The following CDH18 variants were observed in gnomAD, a reference collection of about 807,000 sequenced individuals.
CDH18 encodes cadherin 18.
A neutral mutation model predicts 67.9 loss-of-function variants in CDH18; 31 were observed. The ratio of observed to expected loss-of-function variants is 0.46; its 90% confidence interval spans 0.34 to 0.62. The LOEUF is 0.62. CDH18 is among the 20% of genes least tolerant of loss of function. The pLI, the probability that CDH18 is intolerant of heterozygous loss-of-function variation, is 0.01. For missense variants in CDH18, 890 were observed against 975.5 expected (o/e 0.91, Z 1.17); for synonymous variants, 362 against 347.2 (o/e 1.04, Z -0.48).
chr5:20,203,716 A>G (rs540993259), intron 2 of CDH18, among the ~76,000 whole-genome samples: 3 of 152,230 alleles, frequency 2.0e-5, no homozygotes, highest in Admixed American at 2.0e-4. Flanking sequence ...ACATAGACAT[A>G]CTTCCACAAG....
chr5:19,639,041 C>T (rs1044981251), intron 5 of CDH18, among the ~76,000 whole-genome samples: 16 of 117,636 alleles, frequency 1.4e-4, no homozygotes, highest in African/African-American at 5.0e-4. Context: ...CTCACTCTGT[C>T]TCCCAGGCTG....
chr5:19,890,596 C>CG (rs1363816176), intron 2 of CDH18, among the ~76,000 whole-genome samples: 1 of 71,172 alleles, frequency 1.4e-5, no homozygotes, highest in East Asian at 3.7e-4. Context: ...CCCAGAACAC[C>CG]ATTTTTTTTT....
At chr5:20,173,591 A>G (rs1257549194) in intron 2 of CDH18, among the ~76,000 whole-genome samples, 1 of 152,182 alleles carries the variant, frequency 6.6e-6, no homozygotes, top group Non-Finnish European at 1.5e-5. Flanking sequence ...GGTGGTTCGC[A>G]GTCAGATTTG....
At chr5:20,191,657 G>C (rs749803317) in intron 2 of CDH18, among the ~76,000 whole-genome samples, 1 of 151,868 alleles carries the variant, frequency 6.6e-6, no homozygotes, top group Non-Finnish European at 1.5e-5. Flanking sequence ...ATGGTTTCCT[G>C]CTTCATCCAT....
intron 1 of CDH18, among the ~76,000 whole-genome samples, chr5:20,498,219 A>ATCC (rs35109708): frequency 2.6e-5 from 1 of 38,150 alleles, no homozygotes; most frequent in African/African-American, 1.0e-4. Flanking sequence ...ACTTGATGAT[A>ATCC]TCAAGTCCAT....
At chr5:20,129,047 A>C (rs1749054583) in intron 2 of CDH18, among the ~76,000 whole-genome samples, 1 of 152,032 alleles carries the variant, frequency 6.6e-6, no homozygotes, top group South Asian at 2.1e-4. Flanking sequence ...TCAATCCTAA[A>C]CATCTGGATT....
In CDH18 at chr5:19,900,263, A is replaced by G. The variant is rs577960212; in HGVS notation, c.-256-61021T>C. Among the ~76,000 whole-genome samples the G allele has an allele frequency of 9.2e-5, 14 of 152,184 alleles. No homozygotes were observed. In the South Asian group the frequency reaches 1.0e-3, roughly 11 times the overall value. ...AGGGGAGGAAGGAGAGAGGGAGGGA[A>G]GTGATTTGTCAGTGGGTACATACAA... On this transcript the variant is annotated intron_variant, in intron 2 of 12. Coordinates refer to ENST00000382275, the MANE Select transcript of CDH18 (RefSeq NM_004934.5).
intron 8 of CDH18, among the ~76,000 whole-genome samples, chr5:19,549,546 G>T (rs1366204738): frequency 6.7e-6 from 1 of 148,472 alleles, no homozygotes; most frequent in Non-Finnish European, 1.5e-5. Context: ...TACAGAAAAA[G>T]AATGAAAGAT....
In CDH18 at chr5:19,492,342, G is replaced by C. The variant is rs534979644; in HGVS notation, c.1631-8790C>G. On this transcript the variant is annotated intron_variant, in intron 11 of 12. Transcript: ENST00000382275. ...GTAGACTAATGATTTCATATTGGGG[G>C]ATTAGGTTGCACTTGCATATTACAA... Among the ~76,000 whole-genome samples, 21 of 152,204 alleles carry C rather than the reference G, an allele frequency of 1.4e-4. No homozygotes were observed. The East Asian group carries it at 3.9e-3, about 28-fold the overall frequency.
intron 2 of CDH18, among the ~76,000 whole-genome samples, chr5:19,957,770 G>A (rs1796395601): frequency 1.3e-5 from 2 of 151,922 alleles, no homozygotes; most frequent in Non-Finnish European, 2.9e-5. Context: ...ATCATCTGTT[G>A]TAATTTATGA....
chr5:20,055,265 T>G (rs1186336474), intron 2 of CDH18, among the ~76,000 whole-genome samples: 1 of 152,234 alleles, frequency 6.6e-6, no homozygotes, highest in African/African-American at 2.4e-5. Context: ...TATTGACAGA[T>G]AAATTCAAGC....
At chr5:20,056,680 CT>C (rs397758122) in intron 2 of CDH18, among the ~76,000 whole-genome samples, 101 of 70,030 alleles carry the variant, frequency 1.4e-3, no homozygotes, top group African/African-American at 3.5e-3. Context: ...TCTATATTCT[CT>C]TTTTTTTTTT....
chr5:19,550,568 C>T (rs542136354), intron 8 of CDH18, among the ~76,000 whole-genome samples: 1 of 152,244 alleles, frequency 6.6e-6, no homozygotes, highest in Admixed American at 6.5e-5. Context: ...CCAGCTTCAT[C>T]CATGTCCCTA....
intron 2 of CDH18, among the ~76,000 whole-genome samples, chr5:20,005,112 G>A (rs552868706): frequency 6.6e-6 from 1 of 152,220 alleles, no homozygotes; most frequent in African/African-American, 2.4e-5. Context: ...TACATTTCTG[G>A]AGAAATTTGA....
At chr5:19,725,782 A>AACAACAACC (rs1312808708) in intron 4 of CDH18, among the ~76,000 whole-genome samples, 2 of 152,204 alleles carry the variant, frequency 1.3e-5, no homozygotes, top group Non-Finnish European at 2.9e-5. Flanking sequence ...CAACAACAAC[A>AACAACAACC]ACAAAAATCT....
At chr5:20,037,998 TA>T (rs574276214) in intron 2 of CDH18, among the ~76,000 whole-genome samples, 2 of 151,480 alleles carry the variant, frequency 1.3e-5, no homozygotes, top group Admixed American at 6.6e-5. Context: ...ATAGACAAAA[TA>T]AAAAATCATA....
At chr5:19,581,917 T>C (rs972422162) in intron 7 of CDH18, among the ~76,000 whole-genome samples, 4 of 152,198 alleles carry the variant, frequency 2.6e-5, no homozygotes, top group African/African-American at 7.2e-5. Context: ...GCCTGGATGA[T>C]GGACAGTCTG....
chr5:19,561,047 T>C (rs1739364422), intron 8 of CDH18, among the ~76,000 whole-genome samples: 1 of 152,140 alleles, frequency 6.6e-6, no homozygotes, highest in Non-Finnish European at 1.5e-5. Flanking sequence ...GGAGCACTTT[T>C]ACATTGTTGG....
chr5:20,502,786 A>G (rs1754413058), intron 1 of CDH18, among the ~76,000 whole-genome samples: 1 of 152,184 alleles, frequency 6.6e-6, no homozygotes, highest in African/African-American at 2.4e-5. Flanking sequence ...ACCAAAGAAA[A>G]GGAAGAACCA....
Sources: allele counts gnomAD v4.1 joint callset (sites outside exome capture counted in the v4.1 genomes callset), GRCh38; gene constraint gnomAD v4.1.1; transcripts MANE v1.5; gene names NCBI Gene and HGNC (gene_info 2026-07-23, HGNC 2026-07-21).